The following PSMD1 variants were observed in gnomAD, a reference collection of about 807,000 sequenced individuals.
PSMD1 encodes proteasome 26S subunit, non-ATPase 1.
A neutral mutation model predicts 119.0 loss-of-function variants in PSMD1; 18 were observed. That is an observed-to-expected ratio of 0.15 (90% CI 0.10 to 0.22). The LOEUF (loss-of-function observed/expected upper bound fraction) is 0.22. PSMD1 is among the 10% of genes least tolerant of loss of function. The probability of loss-of-function intolerance (pLI) is 1.00; values close to 1 mark genes in which losing one functional copy is unlikely to be tolerated. For synonymous variants in PSMD1, 374 were observed against 396.6 expected, an observed-to-expected ratio of 0.94 and a Z score of 0.68; for missense variants, 702 against 1,158.5, an observed-to-expected ratio of 0.61 and a Z score of 5.72.
rs943292225 is a variant in PSMD1, at chr2:231,083,324, A to T, written c.1526-243A>T. 2.6e-5 allele frequency among the ~76,000 whole-genome samples: 4 copies of T among 152,196 alleles called. No individual in the cohort carries two copies. In the East Asian group the frequency reaches 7.7e-4, roughly 29 times the overall value. ...ATGTCTCCTTTGAAATCACTGTAGG[A>T]TTTGATGGTACATTCTGTCAAAGTT... On this transcript the variant is annotated intron_variant, in intron 13 of 24. Coordinates refer to ENST00000308696, the MANE Select transcript of PSMD1 (RefSeq NM_002807.4).
chr2:231,151,547 A>G (rs1397292936), intron 18 of PSMD1, among the ~76,000 whole-genome samples: 2 of 152,060 alleles, frequency 1.3e-5, no homozygotes, highest in African/African-American at 4.8e-5. Context: ...AGTTGGACTG[A>G]TTTTTTTATC....
At position 231,106,194 on chromosome 2, in the gene PSMD1, G is replaced by A. The variant is rs915245547; in HGVS notation, c.1883+19013G>A. 5.3e-5 allele frequency among the ~76,000 whole-genome samples: 8 copies of A among 152,154 alleles called. No homozygotes were observed. In the East Asian group the frequency reaches 5.8e-4, roughly 11 times the overall value. ...AAAATGGAAATACCAGTTCTGCATCGAAGTGGTAAGAGTTTGTGGCTTGGT... is the reference window on the plus strand; with the variant it reads ...AAAATGGAAATACCAGTTCTGCATCAAAGTGGTAAGAGTTTGTGGCTTGGT... On this transcript the variant is annotated intron_variant, in intron 16 of 24. Coordinates refer to ENST00000308696, the MANE Select transcript of PSMD1 (RefSeq NM_002807.4).
intron 18 of PSMD1, among the ~76,000 whole-genome samples, chr2:231,150,320 T>C (rs1696344868): frequency 6.6e-6 from 1 of 151,456 alleles, no homozygotes; most frequent in South Asian, 2.1e-4. Flanking sequence ...GCACTCCAGC[T>C]TGGGCGACAC....
intron 17 of PSMD1, among the ~76,000 whole-genome samples, chr2:231,141,481 G>A (rs1696113150): frequency 6.9e-6 from 1 of 145,840 alleles, no homozygotes; most frequent in Admixed American, 6.9e-5. Context: ...CCAGGCTGGA[G>A]TACAATGGGG....
At chr2:231,072,462 T>G (rs1361235310) in intron 7 of PSMD1, 47 bp downstream of exon 7, 1 of 1,490,778 alleles carries the variant, frequency 6.7e-7, no homozygotes, top group Non-Finnish European at 9.3e-7. Flanking sequence ...TAATCTTTAT[T>G]TCATTTTGGG....
At chr2:231,165,034 T>TTTTATATATATATATATATATA (rs1418024804) in intron 21 of PSMD1, 166 bp from the exon 22 acceptor site, 1 of 21,838 alleles carries the variant, frequency 4.6e-5, no homozygotes, top group Non-Finnish European at 7.6e-5. Flanking sequence ...TTATATATAT[T>TTTTATATATATATATATATATA]TATATATATA....
At chr2:231,148,478 C>A (rs1452139793) in intron 18 of PSMD1, among the ~76,000 whole-genome samples, 3 of 152,106 alleles carry the variant, frequency 2.0e-5, no homozygotes, top group South Asian at 4.1e-4. Context: ...GTTATTGAAC[C>A]AAGTCTTACC....
chr2:231,135,479 G>A (rs1455350408), intron 16 of PSMD1, among the ~76,000 whole-genome samples: 3 of 152,110 alleles, frequency 2.0e-5, no homozygotes, highest in Non-Finnish European at 4.4e-5. Flanking sequence ...ACTATTTAGA[G>A]ACAAAACAGG....
intron 16 of PSMD1, among the ~76,000 whole-genome samples, chr2:231,105,778 C>T (rs894092832): frequency 6.6e-6 from 1 of 152,076 alleles, no homozygotes; most frequent in African/African-American, 2.4e-5. Context: ...AAGAAACCCT[C>T]ATAGTGAACC....
intron 16 of PSMD1, among the ~76,000 whole-genome samples, chr2:231,106,016 AG>A (rs1173999997): frequency 4.0e-5 from 5 of 124,014 alleles, no homozygotes; most frequent in South Asian, 5.1e-4. Flanking sequence ...TGGAATAAAA[AG>A]GTTTTTTTTT....
chr2:231,131,476 G>T (rs1463878810), intron 16 of PSMD1, among the ~76,000 whole-genome samples: 1 of 106,886 alleles, frequency 9.4e-6, no homozygotes, highest in Non-Finnish European at 1.7e-5. Context: ...AAGTTTTTTT[G>T]CCCTTGCCGG....
chr2:231,110,474 T>C (rs1695120894), intron 16 of PSMD1, among the ~76,000 whole-genome samples: 6 of 152,178 alleles, frequency 3.9e-5, no homozygotes, highest in Admixed American at 1.3e-4. Flanking sequence ...TCTTTTTCCT[T>C]TGAAACAGCA....
chr2:231,105,953 C>CT (rs1397259520), intron 16 of PSMD1, among the ~76,000 whole-genome samples: 15 of 127,522 alleles, frequency 1.2e-4, no homozygotes, highest in Non-Finnish European at 2.1e-4. Flanking sequence ...TTGTCATTTT[C>CT]ATTTTTTTTT....
chr2:231,123,562 G>T, intron 16 of PSMD1: 2 of 1,614,070 alleles, frequency 1.2e-6, no homozygotes, highest in Non-Finnish European at 1.7e-6. Flanking sequence ...TCCACCAATT[G>T]TGGGTATTAT....
At chr2:231,150,567 A>G (rs1167507041) in intron 18 of PSMD1, among the ~76,000 whole-genome samples, 1 of 152,108 alleles carries the variant, frequency 6.6e-6, no homozygotes, top group Non-Finnish European at 1.5e-5. Flanking sequence ...ATTCATTATC[A>G]TTTATCCTAC....
intron 16 of PSMD1, among the ~76,000 whole-genome samples, chr2:231,092,105 C>G (rs1171197055): frequency 6.6e-6 from 1 of 152,142 alleles, no homozygotes; most frequent in East Asian, 1.9e-4. Context: ...GCTAAGATGA[C>G]TATGGCTGAG....
In PSMD1 at chr2:231,083,044, ATG is replaced by A. The variant is rs371456617; in HGVS notation, c.1525+52_1525+53del. On this transcript the variant is annotated intron_variant, in intron 13 of 24. Transcript: ENST00000308696. ...CAAGCTTAAGTATTAATTAATGTAAATGTAATTACATTAGTTTCTACCTATAT... is the reference window on the plus strand; with the variant it reads ...CAAGCTTAAGTATTAATTAATGTAAATAATTACATTAGTTTCTACCTATAT... 2.1e-3 allele frequency: 2,634 copies of A among 1,261,766 alleles called. 40 individuals carry two copies. The South Asian group carries it at 0.023, about 11-fold the overall frequency. The allele number at this position is 1,261,766 out of a possible 1,614,324, so 78.2% of individuals were successfully genotyped here. A position where few individuals can be genotyped will look rare whatever the true frequency, so the allele number is the denominator to read the frequency against.
chr2:231,074,374 G>A (rs1272035589), intron 7 of PSMD1, among the ~76,000 whole-genome samples: 1 of 152,050 alleles, frequency 6.6e-6, no homozygotes. Flanking sequence ...CCAAACTTCT[G>A]GGATTACGGG....
intron 19 of PSMD1, among the ~76,000 whole-genome samples, chr2:231,156,430 A>G (rs78050320): frequency 0.023 from 3,540 of 152,186 alleles, 139 homozygotes; most frequent in African/African-American, 0.081. Context: ...CTTTAATGAC[A>G]TGTGTCTACC....
Sources: allele counts gnomAD v4.1 joint callset (sites outside exome capture counted in the v4.1 genomes callset), GRCh38; gene constraint gnomAD v4.1.1; transcripts MANE v1.5; gene names NCBI Gene and HGNC (gene_info 2026-07-23, HGNC 2026-07-21).